Variants in SNX31 observed in about 807,000 individuals in gnomAD.
SNX31 encodes sorting nexin 31.
SNX31 carries 58 observed loss-of-function variants against 65.4 expected under a neutral mutation model. That is an observed-to-expected ratio of 0.89 (90% CI 0.72 to 1.10). The LOEUF (loss-of-function observed/expected upper bound fraction) is 1.10, where lower values mean the gene tolerates loss of function less well. SNX31 is among the 50% of genes least tolerant of loss of function. The probability of loss-of-function intolerance (pLI) is 0.00; values close to 1 mark genes in which losing one functional copy is unlikely to be tolerated. For synonymous variants in SNX31, 181 were observed against 190.1 expected (o/e 0.95, Z 0.39); for missense variants, 523 against 529.7 (o/e 0.99, Z 0.12).
intron 12 of SNX31, among the ~76,000 whole-genome samples, chr8:100,581,133 A>C (rs1813462943): frequency 9.0e-6 from 1 of 111,276 alleles, no homozygotes; most frequent in Admixed American, 8.3e-5. Flanking sequence ...TTACCTCTAC[A>C]AAAAAAAAAA....
At chr8:100,640,576 T>C (rs533279684) in intron 2 of SNX31, among the ~76,000 whole-genome samples, 1 of 152,280 alleles carries the variant, frequency 6.6e-6, no homozygotes, top group Admixed American at 6.5e-5. Context: ...AACTGACAAA[T>C]ACTACCTCAC....
At chr8:100,662,785 T>G (rs888569738) in intron 1 of SNX31, among the ~76,000 whole-genome samples, 2 of 152,226 alleles carry the variant, frequency 1.3e-5, no homozygotes, top group African/African-American at 4.8e-5. Flanking sequence ...AATATCAATT[T>G]CAGCTGTTGC....
chr8:100,636,578 A>G (rs1818789291), intron 2 of SNX31, among the ~76,000 whole-genome samples: 1 of 152,254 alleles, frequency 6.6e-6, no homozygotes, highest in Non-Finnish European at 1.5e-5. Context: ...TTTTATACTG[A>G]TTACATGTTG....
intron 11 of SNX31, among the ~76,000 whole-genome samples, chr8:100,587,756 CTA>C (rs755716569): frequency 1.3e-5 from 2 of 152,262 alleles, no homozygotes; most frequent in South Asian, 4.1e-4. Context: ...TACCTTCAGG[CTA>C]TGTGTTTAAG....
chr8:100,599,579 G>T (rs1329062807), intron 9 of SNX31, among the ~76,000 whole-genome samples: 2 of 151,782 alleles, frequency 1.3e-5, no homozygotes, highest in Non-Finnish European at 2.9e-5. Flanking sequence ...TCAAAGGTCT[G>T]AGCCTTTGAG....
At chr8:100,643,437 C>T (rs1360356641) in intron 2 of SNX31, among the ~76,000 whole-genome samples, 1 of 152,128 alleles carries the variant, frequency 6.6e-6, no homozygotes, top group Non-Finnish European at 1.5e-5. Context: ...ACTCATTCTT[C>T]CCACCTCTCC....
intron 4 of SNX31, chr8:100,619,804 C>A (rs899921303): frequency 6.6e-6 from 1 of 152,212 alleles, no homozygotes; most frequent in Non-Finnish European, 1.5e-5. Context: ...AAATTAACTT[C>A]TCTCCTAGGC....
Position 100,608,316 on chromosome 8 carries a change from C to T in SNX31, c.681+178G>A, listed in dbSNP as rs539551752. 4.3e-5 allele frequency among the ~76,000 whole-genome samples: 6 copies of T among 139,130 alleles called. No individual in the cohort carries two copies. In the East Asian group the frequency reaches 1.2e-3, roughly 27 times the overall value. The allele number at this position is 139,130 out of a possible 152,430, so 91.3% of individuals were successfully genotyped here. A position where few individuals can be genotyped will look rare whatever the true frequency, so the allele number is the denominator to read the frequency against. On this transcript the variant is annotated intron_variant, in intron 8 of 13. Coordinates refer to ENST00000311812, the MANE Select transcript of SNX31 (RefSeq NM_152628.4). The stretch of plus-strand genomic sequence containing the variant: ...AAAACTTGTACCCATCAAACAATAA[C>T]AACTTCTTCTCCACCCCCCACAGCC...
At position 100,629,997 on chromosome 8, in the gene SNX31, T is replaced by C. The variant is rs1447071771; in HGVS notation, c.321+330A>G. 6.6e-6 allele frequency among the ~76,000 whole-genome samples: 1 copy of C among 152,208 alleles called. No homozygotes were observed. Among genetic ancestry groups the C allele is most frequent in the Non-Finnish European group, 1.5e-5 (1 of 68,038 alleles). On this transcript the variant is annotated intron_variant, in intron 4 of 13. Coordinates refer to ENST00000311812, the MANE Select transcript of SNX31 (RefSeq NM_152628.4). The surrounding 1 kb of genome is among the most constrained non-coding windows in gnomAD (Gnocchi z 5.1). ...GACATGTTATGGGAACCCTTAATGA[T>C]AAAGGCTGTAGTTCTTGTACTGTAC...
At chr8:100,635,685 G>C (rs1049054149) in intron 3 of SNX31, among the ~76,000 whole-genome samples, 1 of 152,148 alleles carries the variant, frequency 6.6e-6, no homozygotes, top group Admixed American at 6.6e-5. Flanking sequence ...GCCAGGGCGT[G>C]GTGGGGGAGG....
intron 11 of SNX31, among the ~76,000 whole-genome samples, chr8:100,585,250 C>T (rs114650299): frequency 0.015 from 2,209 of 152,258 alleles, 48 homozygotes; most frequent in African/African-American, 0.048. Flanking sequence ...CTTTTTCTCT[C>T]TTGTCCTGCT....
At chr8:100,595,314 G>GT (rs1168302108) in intron 10 of SNX31, among the ~76,000 whole-genome samples, 529 of 125,404 alleles carry the variant, frequency 4.2e-3, no homozygotes, top group South Asian at 9.0e-3. Context: ...GGAATTTGTT[G>GT]TTTTTTTTTT....
At chr8:100,596,557 C>A in intron 10 of SNX31, 82 bp downstream of exon 10, 1 of 1,176,750 alleles carries the variant, frequency 8.5e-7, no homozygotes, top group South Asian at 1.3e-5. Flanking sequence ...AATGGCAAAC[C>A]TGTCTCCCTA....
rs1586945215 is a variant in SNX31, at chr8:100,612,053, A to G, written c.558T>C (p.Tyr186=). 6.2e-7 allele frequency: 1 copy of G among 1,614,148 alleles called. No homozygotes were observed. Among genetic ancestry groups the G allele is most frequent in the Non-Finnish European group, 8.5e-7 (1 of 1,180,000 alleles). ...CCACCTCAGAACTTCCAAGACTAAC[A>G]TAAGGGAGTTCAAAGTCAGCCAATT... The part of the protein sequence containing the change: ...VKKLADFELP[Y]VSLGSSEVEN... Residue 186 remains tyrosine (Y), a synonymous_variant, in exon 7 of 14, where the codon TAT becomes TAC. Transcript: ENST00000311812. This position sits in a 1 kb window ranked among gnomAD's most constrained non-coding sequence, Gnocchi z 4.3.
At chr8:100,583,216 C>T (rs1408922174) in intron 12 of SNX31, among the ~76,000 whole-genome samples, 1 of 151,496 alleles carries the variant, frequency 6.6e-6, no homozygotes, top group African/African-American at 2.4e-5. Flanking sequence ...AAGCAATTCT[C>T]CTGCCTCAGC....
At chr8:100,607,340 C>A (rs1165619884) in intron 8 of SNX31, among the ~76,000 whole-genome samples, 1 of 152,170 alleles carries the variant, frequency 6.6e-6, no homozygotes, top group Non-Finnish European at 1.5e-5. Context: ...CAGCTGGTGA[C>A]CTGGGTGTGT....
chr8:100,639,461 T>C (rs6990922), intron 2 of SNX31, among the ~76,000 whole-genome samples: 72,560 of 152,016 alleles, frequency 0.48, 17,594 homozygotes, highest in African/African-American at 0.55. Flanking sequence ...TACTGCCACA[T>C]GTGTATACAG....
At chr8:100,602,113 G>A (rs908810665) in intron 8 of SNX31, among the ~76,000 whole-genome samples, 3 of 152,180 alleles carry the variant, frequency 2.0e-5, no homozygotes, top group East Asian at 1.9e-4. Context: ...CGCGCCCGTC[G>A]TCTCAGTGTG....
rs572789713 is a variant in SNX31 at position 100,598,462 on chromosome 8, G to A, written c.775-1620C>T. 2.0e-4 allele frequency among the ~76,000 whole-genome samples: 30 copies of A among 152,128 alleles called. No homozygotes were observed. The South Asian group carries it at 6.2e-3, about 32-fold the overall frequency. ...TCTTTAAAATTGTAATAATCTCTTG[G>A]CTGCAATGAGCTAAAAGAAAGGAAA... On this transcript the variant is annotated intron_variant, in intron 9 of 13. Coordinates refer to ENST00000311812, the MANE Select transcript of SNX31 (RefSeq NM_152628.4).
Sources: allele counts gnomAD v4.1 joint callset (sites outside exome capture counted in the v4.1 genomes callset), GRCh38; gene constraint gnomAD v4.1.1; non-coding constraint Gnocchi (gnomAD v3.1); transcripts MANE v1.5; gene names NCBI Gene and HGNC (gene_info 2026-07-23, HGNC 2026-07-21).